SLU7: variants seen among roughly 807,000 people sequenced by gnomAD.
SLU7 encodes pre-mRNA-splicing factor SLU7.
In SLU7, 60 loss-of-function variants were observed where a neutral mutation model predicts 87.0. The ratio of observed to expected loss-of-function variants is 0.69; its 90% CI spans 0.56 to 0.86. The LOEUF (loss-of-function observed/expected upper bound fraction) is 0.86. Ranked by LOEUF, SLU7 falls within the 40% of genes least tolerant of loss-of-function variation. The probability of loss-of-function intolerance (pLI) is 0.00; values close to 1 mark genes in which losing one functional copy is unlikely to be tolerated. For synonymous variants in SLU7, 197 were observed against 222.0 expected (o/e 0.89, Z 1.00); for missense variants, 507 against 686.6 (o/e 0.74, Z 2.92).
chr5:160,408,415 C>T lies in SLU7; in HGVS notation c.733G>A (p.Asp245Asn). The change falls in exon 8 of 16, where the codon GAT (aspartate) becomes AAT (asparagine). Residue 245 changes from aspartate to asparagine, a missense_variant. Coordinates refer to ENST00000297151, the MANE Select transcript of SLU7 (RefSeq NM_006425.5). ...SEDEDEDKYA[D>N]DIDMPGQNFD... The stretch of plus-strand genomic sequence containing the variant: ...TTCTGTCCAGGCATGTCAATATCAT[C>T]TGCATATTTATCTTCATCCTCATCT... 6.2e-7 allele frequency: 1 copy of T among 1,610,018 alleles called. No individual in the cohort carries two copies. Among genetic ancestry groups the T allele is most frequent in the Non-Finnish European group, 8.5e-7 (1 of 1,177,732 alleles).
At chr5:160,410,479 T>G (rs1765183738) in intron 6 of SLU7, among the ~76,000 whole-genome samples, 1 of 151,976 alleles carries the variant, frequency 6.6e-6, no homozygotes, top group African/African-American at 2.4e-5. Context: ...AATGACGAGT[T>G]CATGGGTGCA....
rs1765075707 is a variant in SLU7, at chr5:160,407,958, A to T, written c.917+13T>A. The T allele has an allele frequency of 6.3e-7, 1 of 1,578,934 alleles. No homozygotes were observed. The highest frequency in any genetic ancestry group is 1.1e-5 in the South Asian group (1 of 90,194). ...TCTCATCTTAAAATCTGTACATTTAACTTGATACTTACTCATCTGGATTCT... is the reference window on the plus strand; with the variant it reads ...TCTCATCTTAAAATCTGTACATTTATCTTGATACTTACTCATCTGGATTCT... On this transcript the variant is annotated intron_variant, in intron 9 of 15. Coordinates refer to ENST00000297151, the MANE Select transcript of SLU7 (RefSeq NM_006425.5). The surrounding 1 kb of genome is among the most constrained non-coding windows in gnomAD (Gnocchi z 4.2).
At chr5:160,410,909 C>T (rs935577841) in intron 6 of SLU7, among the ~76,000 whole-genome samples, 2 of 151,980 alleles carry the variant, frequency 1.3e-5, no homozygotes, top group Admixed American at 1.3e-4. Flanking sequence ...CTCTGTCGCC[C>T]AGGCTGGAGT....
chr5:160,414,795 T>C (rs1371502995), intron 2 of SLU7, among the ~76,000 whole-genome samples: 4 of 152,188 alleles, frequency 2.6e-5, no homozygotes, highest in African/African-American at 7.2e-5. Flanking sequence ...ATAATGTCTA[T>C]AGTCAATTAA....
Position 160,403,343 on chromosome 5 carries a change from G to A in SLU7, c.1703C>T (p.Ala568Val), listed in dbSNP as rs1352418372. ...TGGCCTCTGACGTTTCATTCTATATGCCTCCATTTCCTCTTCAGTAGGTTC... is the reference window on the plus strand; with the variant it reads ...TGGCCTCTGACGTTTCATTCTATATACCTCCATTTCCTCTTCAGTAGGTTC... ...TREPTEEEME[A>V]YRMKRQRPDD... Residue 568 changes from alanine (A) to valine (V), a missense_variant, in exon 16 of 16, where the codon GCA (alanine) becomes GTA (valine). Coordinates refer to ENST00000297151, the MANE Select transcript of SLU7 (RefSeq NM_006425.5). 1 of 1,613,012 alleles carries A rather than the reference G, an allele frequency of 6.2e-7. No individual in the cohort carries two copies. Among genetic ancestry groups the A allele is most frequent in the Non-Finnish European group, 8.5e-7 (1 of 1,179,566 alleles).
chr5:160,403,707 T>A (rs1456192412), intron 15 of SLU7, among the ~76,000 whole-genome samples: 2 of 152,222 alleles, frequency 1.3e-5, no homozygotes, highest in East Asian at 3.8e-4. Context: ...TTGAAGAAAT[T>A]TTATTTAATA....
chr5:160,415,361 C>T (rs1765406889), intron 1 of SLU7, 51 bp from the exon 2 acceptor site: 2 of 1,320,538 alleles, frequency 1.5e-6, no homozygotes, highest in Non-Finnish European at 2.1e-6. Flanking sequence ...CATGAATTCA[C>T]TCAAACTACC....
intron 1 of SLU7, chr5:160,418,636 G>A (rs565602287): frequency 2.6e-5 from 4 of 152,284 alleles, no homozygotes; most frequent in South Asian, 2.1e-4. Context: ...CCCCACTGAA[G>A]TCGGATCATC....
chr5:160,414,120 TGTGAA>T (rs1341306779), intron 3 of SLU7, 141 bp from the exon 4 acceptor site: 1 of 680,250 alleles, frequency 1.5e-6, no homozygotes, highest in Non-Finnish European at 2.3e-6. Flanking sequence ...CATTTATAAA[TGTGAA>T]ACTTTAAAGA....
At position 160,404,795 on chromosome 5, in the gene SLU7, G is replaced by C. The variant is rs750078788; in HGVS notation, c.1464+14C>G. 1 of 1,580,006 alleles carries C rather than the reference G, an allele frequency of 6.3e-7. No homozygotes were observed. The highest frequency in any genetic ancestry group is 1.3e-5 in the African/African-American group (1 of 74,202). On this transcript the variant is annotated intron_variant, in intron 14 of 15. Coordinates refer to ENST00000297151, the MANE Select transcript of SLU7 (RefSeq NM_006425.5). ...CAGGACTTAAAAATTCAGGACAAAT[G>C]ATTATCAACTTACCTCCATGAGGGT...
At chr5:160,413,868 C>G in intron 4 of SLU7, 31 bp downstream of exon 4, 1 of 1,456,514 alleles carries the variant, frequency 6.9e-7, no homozygotes, top group Non-Finnish European at 9.4e-7. Context: ...ACTCTGACAA[C>G]GGTTTTCAAA....
In SLU7 at chr5:160,407,467, CA is replaced by C. The variant is rs759912593; in HGVS notation, c.1125+8del. 6 of 1,597,920 alleles carry C rather than the reference CA, an allele frequency of 3.8e-6. No homozygotes were observed. The East Asian group carries it at 1.3e-4, about 36-fold the overall frequency. On this transcript the variant is annotated splice_region_variant and intron_variant, in intron 11 of 15. Coordinates refer to ENST00000297151, the MANE Select transcript of SLU7 (RefSeq NM_006425.5). The surrounding 1 kb of genome is among the most constrained non-coding windows in gnomAD (Gnocchi z 4.2). ...AGAAGTTCTTCTTTAGCATTTTGGT[CA>C]AAATTACCTTTTCCAGGATGCTTTC...
At chr5:160,413,037 T>C (rs1765304853) in intron 5 of SLU7, among the ~76,000 whole-genome samples, 1 of 152,078 alleles carries the variant, frequency 6.6e-6, no homozygotes, top group Non-Finnish European at 1.5e-5. Context: ...TAAAATAAAA[T>C]AAAATTTTCT....
rs946333060 is a variant in SLU7 at position 160,407,572 on chromosome 5, T to C, written c.1029A>G (p.Leu343=). ...EAYDKGSEVH[L]QADPTKLELL... ...GCTCTAGCTTTGTAGGATCTGCCTG[T>C]AGATGCACTTCAGATCCCTTGTCAT... is the stretch of plus-strand genomic sequence containing the variant. Residue 343 remains leucine, a synonymous_variant, in exon 11 of 16, where the codon CTA becomes CTG. Coordinates refer to ENST00000297151, the MANE Select transcript of SLU7 (RefSeq NM_006425.5). This position sits in a 1 kb window ranked among gnomAD's most constrained non-coding sequence, Gnocchi z 4.2. 1.2e-6 allele frequency: 2 copies of C among 1,613,588 alleles called. No individual in the cohort carries two copies. The highest frequency in any genetic ancestry group is 2.2e-5 in the South Asian group (2 of 91,000).
At chr5:160,409,412 TA>T (rs563392716) in intron 6 of SLU7, among the ~76,000 whole-genome samples, 1,703 of 151,134 alleles carry the variant, frequency 0.011, 21 homozygotes, top group South Asian at 0.022. Context: ...TAAAAATACT[TA>T]AAAAAAAAGA....
rs370573674 is a variant in SLU7 at position 160,403,026 on chromosome 5, T to A, written c.*259A>T. On this transcript the variant is annotated 3_prime_UTR_variant, in exon 16 of 16. Coordinates refer to ENST00000297151, the MANE Select transcript of SLU7 (RefSeq NM_006425.5). ...CAAGACTCCGTCTCAAAAAAAAAAA[T>A]AAATAAATAAAAAAAACTGGAAATA... 1,673 of 240,730 alleles carry A rather than the reference T, an allele frequency of 6.9e-3. 26 individuals carry two copies. Among genetic ancestry groups the A allele is most frequent in the African/African-American group, 0.032 (1,428 of 44,190 alleles). The allele number at this position is 240,730 out of a possible 1,614,324, so 14.9% of individuals were successfully genotyped here.
intron 1 of SLU7, among the ~76,000 whole-genome samples, chr5:160,416,068 ATT>A (rs987722593): frequency 1.5e-4 from 23 of 151,852 alleles, no homozygotes; most frequent in Admixed American, 1.2e-3. Flanking sequence ...ATTTTTTCGT[ATT>A]TTTTGTAGTG....
intron 1 of SLU7, chr5:160,418,613 T>C (rs1355550885): frequency 1.3e-5 from 2 of 152,358 alleles, no homozygotes; most frequent in African/African-American, 4.8e-5. Context: ...TTTTCATTTA[T>C]ACCCGCATGA....
At position 160,407,847 on chromosome 5, in the gene SLU7, T is replaced by A; in HGVS notation, c.918-34A>T. On this transcript the variant is annotated intron_variant, in intron 9 of 15. Transcript: ENST00000297151. The surrounding 1 kb of genome is among the most constrained non-coding windows in gnomAD (Gnocchi z 4.2). ...ACAAATAAAGAAAATGTTTCAGAGA[T>A]TGATTTAAGGAAAATTAATTCGTAA... The A allele has an allele frequency of 6.4e-7, 1 of 1,568,082 alleles. No individual in the cohort carries two copies.
Sources: allele counts gnomAD v4.1 joint callset (sites outside exome capture counted in the v4.1 genomes callset), GRCh38; gene constraint gnomAD v4.1.1; non-coding constraint Gnocchi (gnomAD v3.1); transcripts MANE v1.5; gene names NCBI Gene and HGNC (gene_info 2026-07-23, HGNC 2026-07-21).